Variants in MAGI2 observed in about 807,000 individuals in gnomAD.
MAGI2 encodes the protein membrane-associated guanylate kinase, WW and PDZ domain-containing protein 2.
MAGI2 carries 35 observed loss-of-function variants against 133.3 expected under a neutral mutation model. The ratio of observed to expected loss-of-function variants is 0.26; its 90% confidence interval spans 0.20 to 0.35. The LOEUF is 0.35. Ranked by LOEUF, MAGI2 falls within the 10% of genes least tolerant of loss-of-function variation. MAGI2 has a pLI of 1.00. For missense variants in MAGI2, 1,636 were observed against 1,863.4 expected (o/e 0.88, Z 2.25); for synonymous variants, 729 against 710.6 (o/e 1.03, Z -0.41).
intron 6 of MAGI2, among the ~76,000 whole-genome samples, chr7:78,428,061 G>T (rs1413727182): frequency 6.6e-6 from 1 of 152,232 alleles, no homozygotes; most frequent in South Asian, 2.1e-4. Flanking sequence ...AAACAGGAAC[G>T]CATCGTAACA....
intron 2 of MAGI2, among the ~76,000 whole-genome samples, chr7:78,647,675 T>C (rs1156636434): frequency 1.3e-5 from 2 of 152,198 alleles, no homozygotes; most frequent in African/African-American, 4.8e-5. Context: ...GAAATAATGC[T>C]ACTACAAACA....
intron 3 of MAGI2, among the ~76,000 whole-genome samples, chr7:78,621,466 C>G (rs776505656): frequency 6.6e-6 from 1 of 151,890 alleles, no homozygotes; most frequent in Non-Finnish European, 1.5e-5. Context: ...TGAAATCATC[C>G]GAGTCATGGA....
chr7:78,171,436 G>T (rs1240474978), intron 14 of MAGI2, among the ~76,000 whole-genome samples: 2 of 152,180 alleles, frequency 1.3e-5, no homozygotes, highest in African/African-American at 2.4e-5. Flanking sequence ...GTCTGATGCT[G>T]CAGGCCTGGG....
intron 2 of MAGI2, chr7:79,000,317 A>C (rs1420104372): frequency 6.6e-6 from 1 of 152,232 alleles, no homozygotes; most frequent in Non-Finnish European, 1.5e-5. Flanking sequence ...CAACATGTTT[A>C]GAAATAAATG....
intron 2 of MAGI2, among the ~76,000 whole-genome samples, chr7:78,956,127 G>A (rs1486778122): frequency 6.6e-6 from 1 of 152,066 alleles, no homozygotes; most frequent in East Asian, 1.9e-4. Flanking sequence ...TGCAAGAGGG[G>A]CACCAACCTG....
At chr7:78,873,832 T>C (rs1306630540) in intron 2 of MAGI2, among the ~76,000 whole-genome samples, 1 of 151,892 alleles carries the variant, frequency 6.6e-6, no homozygotes, top group Non-Finnish European at 1.5e-5. Flanking sequence ...AAGTGCTGAG[T>C]ACTACTTCAA....
chr7:78,505,738 A>C (rs1278442560), intron 4 of MAGI2, among the ~76,000 whole-genome samples: 4 of 152,284 alleles, frequency 2.6e-5, no homozygotes, highest in South Asian at 4.1e-4. Context: ...TTATACAATA[A>C]TTTTAAGTGT....
chr7:78,694,308 T>C (rs1207006905), intron 2 of MAGI2, among the ~76,000 whole-genome samples: 2 of 152,174 alleles, frequency 1.3e-5, no homozygotes, highest in African/African-American at 4.8e-5. Flanking sequence ...CTAACACATA[T>C]GTACAATCAT....
intron 20 of MAGI2, among the ~76,000 whole-genome samples, chr7:78,080,227 G>A (rs944834269): frequency 8.5e-5 from 13 of 152,192 alleles, no homozygotes; most frequent in African/African-American, 3.1e-4. Context: ...TCTACCTAAG[G>A]ATGATTCTCT....
chr7:78,932,955 C>T (rs1022949647), intron 2 of MAGI2, among the ~76,000 whole-genome samples: 4 of 152,118 alleles, frequency 2.6e-5, no homozygotes, highest in Non-Finnish European at 4.4e-5. Context: ...CTGGGATATG[C>T]TAATGCGGCA....
chr7:78,918,782 C>T (rs1168794344), intron 2 of MAGI2, among the ~76,000 whole-genome samples: 2 of 151,928 alleles, frequency 1.3e-5, no homozygotes, highest in Non-Finnish European at 2.9e-5. Context: ...AGTCATATAA[C>T]CTCATTCATT....
At chr7:79,406,515 A>C in intron 1 of MAGI2, among the ~76,000 whole-genome samples, 1 of 152,118 alleles carries the variant, frequency 6.6e-6, no homozygotes, top group Non-Finnish European at 1.5e-5. Context: ...AAATTGTCAG[A>C]CACATTTAGA....
intron 2 of MAGI2, among the ~76,000 whole-genome samples, chr7:78,804,540 A>G (rs912266814): frequency 6.8e-6 from 1 of 146,202 alleles, no homozygotes; most frequent in Non-Finnish European, 1.5e-5. Context: ...TGACGTCAGG[A>G]AATCGAGACC....
intron 2 of MAGI2, among the ~76,000 whole-genome samples, chr7:78,769,002 G>A (rs1481739440): frequency 6.6e-6 from 1 of 152,110 alleles, no homozygotes; most frequent in East Asian, 1.9e-4. Context: ...TGCCTCTGCT[G>A]GCTGGAGCTT....
intron 3 of MAGI2, among the ~76,000 whole-genome samples, chr7:78,608,186 T>C (rs1806031173): frequency 6.6e-6 from 1 of 152,182 alleles, no homozygotes; most frequent in South Asian, 2.1e-4. Flanking sequence ...CTTGACTTAA[T>C]GTAAAGGGGT....
At chr7:78,921,335 A>G (rs914973068) in intron 2 of MAGI2, among the ~76,000 whole-genome samples, 1 of 152,188 alleles carries the variant, frequency 6.6e-6, no homozygotes, top group African/African-American at 2.4e-5. Context: ...TGACTTTATC[A>G]TGCATAAAAA....
rs558218019 is a variant in MAGI2 at position 78,331,913 on chromosome 7, C to T, written c.1408+11865G>A. Among the ~76,000 whole-genome samples the T allele has an allele frequency of 6.6e-5, 10 of 152,280 alleles. No homozygotes were observed. The South Asian group carries it at 1.9e-3, about 28-fold the overall frequency. ...CTTAAAAATAATAGTAATAAATGTA[C>T]ATTTAAGTGCATTGACTTCCATGAC... On this transcript the variant is annotated intron_variant, in intron 9 of 21. Coordinates refer to ENST00000354212, the MANE Select transcript of MAGI2 (RefSeq NM_012301.4).
At chr7:79,112,368 G>A (rs1374207119) in intron 1 of MAGI2, among the ~76,000 whole-genome samples, 1 of 152,100 alleles carries the variant, frequency 6.6e-6, no homozygotes, top group African/African-American at 2.4e-5. Context: ...TTGCCCTCAG[G>A]AGTTACACAG....
chr7:78,729,670 G>A (rs1345633051), intron 2 of MAGI2, among the ~76,000 whole-genome samples: 1 of 152,216 alleles, frequency 6.6e-6, no homozygotes, highest in African/African-American at 2.4e-5. Flanking sequence ...TATCCAGAGA[G>A]AATTCTAGAT....
Sources: gnomAD v4.1 joint callset for allele counts (sites outside exome capture counted in the v4.1 genomes callset) on GRCh38, gnomAD v4.1.1 for gene constraint, MANE v1.5 for transcripts, NCBI Gene and HGNC (gene_info 2026-07-23, HGNC 2026-07-21) for gene names.